Variants in CSMD1 observed in about 807,000 individuals in gnomAD.
The protein encoded by CSMD1 is CUB and Sushi multiple domains 1.
A neutral mutation model predicts 417.5 loss-of-function variants in CSMD1; 213 were observed. The observed-to-expected ratio is 0.51, with a 90% confidence interval of 0.46 to 0.57. CSMD1 has a LOEUF of 0.57. Among genes scored for constraint, CSMD1 ranks in the 20% least tolerant of loss-of-function variants. The probability of loss-of-function intolerance (pLI) is 0.00; values close to 1 mark genes in which losing one functional copy is unlikely to be tolerated. For missense variants in CSMD1, 6,923 were observed against 4,529.7 expected, an observed-to-expected ratio of 1.53 and a Z score of -15.17; for synonymous variants, 2,862 against 1,736.8, an observed-to-expected ratio of 1.65 and a Z score of -16.11.
chr8:3,954,606 C>T (rs1015525808), intron 5 of CSMD1, among the ~76,000 whole-genome samples: 1 of 152,216 alleles, frequency 6.6e-6, no homozygotes, highest in African/African-American at 2.4e-5. Context: ...TCGTGATCCG[C>T]CCACCTTGGC....
intron 2 of CSMD1, among the ~76,000 whole-genome samples, chr8:4,469,995 G>C (rs567099931): frequency 2.6e-5 from 4 of 151,936 alleles, no homozygotes; most frequent in South Asian, 2.1e-4. Context: ...AGCCTCCCGA[G>C]TAGCTGGGAT....
chr8:3,751,197 C>T (rs1272687302), intron 6 of CSMD1, among the ~76,000 whole-genome samples: 6 of 151,988 alleles, frequency 3.9e-5, no homozygotes, highest in Non-Finnish European at 5.9e-5. Flanking sequence ...TAATGCATTA[C>T]TGTTAAGCCA....
intron 9 of CSMD1, among the ~76,000 whole-genome samples, chr8:3,576,359 C>T (rs1456956359): frequency 1.6e-5 from 2 of 124,022 alleles, no homozygotes; most frequent in African/African-American, 2.7e-5. Flanking sequence ...TGTGACTGTT[C>T]ATCTGAGATC....
chr8:3,446,491 C>G (rs186268395), intron 12 of CSMD1, among the ~76,000 whole-genome samples: 52 of 152,274 alleles, frequency 3.4e-4, no homozygotes, highest in African/African-American at 9.9e-4. Flanking sequence ...GAATTAATTA[C>G]TGAGTAGTTC....
At chr8:4,209,685 G>C (rs1800192113) in intron 3 of CSMD1, among the ~76,000 whole-genome samples, 1 of 152,194 alleles carries the variant, frequency 6.6e-6, no homozygotes, top group Admixed American at 6.5e-5. Flanking sequence ...TCAAGGGCAA[G>C]CCAGTGGTGT....
At chr8:3,976,431 G>A (rs898469153) in intron 5 of CSMD1, among the ~76,000 whole-genome samples, 1 of 152,132 alleles carries the variant, frequency 6.6e-6, no homozygotes, top group Non-Finnish European at 1.5e-5. Context: ...ATCAAGGAAA[G>A]CAGTTTCCTT....
At chr8:3,694,447 A>T (rs1373054819) in intron 7 of CSMD1, among the ~76,000 whole-genome samples, 10 of 152,156 alleles carry the variant, frequency 6.6e-5, no homozygotes, top group African/African-American at 2.4e-4. Flanking sequence ...ACAGCTGCAT[A>T]CATGAGTCTG....
At chr8:4,461,574 G>A (rs1799821866) in intron 2 of CSMD1, among the ~76,000 whole-genome samples, 2 of 149,286 alleles carry the variant, frequency 1.3e-5, no homozygotes, top group African/African-American at 5.1e-5. Context: ...GGTGTTGGGG[G>A]ATACATCATC....
At chr8:4,898,206 A>G (rs1019677982) in intron 1 of CSMD1, among the ~76,000 whole-genome samples, 3 of 152,166 alleles carry the variant, frequency 2.0e-5, no homozygotes, top group African/African-American at 7.2e-5. Context: ...TGCAAATGGA[A>G]TGATTAAAAC....
chr8:3,099,441 G>A (rs1220246419), intron 46 of CSMD1, among the ~76,000 whole-genome samples: 1 of 152,096 alleles, frequency 6.6e-6, no homozygotes, highest in Non-Finnish European at 1.5e-5. Flanking sequence ...TTATTCACCT[G>A]ACTTTGGGTC....
At chr8:3,084,421 G>A (rs1200938962) in intron 49 of CSMD1, among the ~76,000 whole-genome samples, 1 of 151,176 alleles carries the variant, frequency 6.6e-6, no homozygotes, top group Non-Finnish European at 1.5e-5. Context: ...TACTTGGGAG[G>A]CTGAGGCAGG....
intron 14 of CSMD1, among the ~76,000 whole-genome samples, chr8:3,406,495 A>C (rs1015869419): frequency 2.0e-5 from 3 of 152,164 alleles, no homozygotes; most frequent in Non-Finnish European, 4.4e-5. Context: ...GCTTAGACAA[A>C]GAGAGAACTG....
intron 12 of CSMD1, among the ~76,000 whole-genome samples, chr8:3,430,090 T>G (rs1563380636): frequency 6.6e-6 from 1 of 152,298 alleles, no homozygotes; most frequent in Non-Finnish European, 1.5e-5. Flanking sequence ...CATATATACA[T>G]ATATACACAC....
chr8:3,625,389 G>C (rs1386969112), intron 7 of CSMD1, among the ~76,000 whole-genome samples: 2 of 151,714 alleles, frequency 1.3e-5, no homozygotes, highest in Non-Finnish European at 2.9e-5. Flanking sequence ...TTTTCCAAGT[G>C]TTTAACTTAT....
chr8:3,654,134 C>G (rs928456447), intron 7 of CSMD1, among the ~76,000 whole-genome samples: 2 of 152,198 alleles, frequency 1.3e-5, no homozygotes, highest in Non-Finnish European at 2.9e-5. Context: ...CACCCCTCAT[C>G]TTCACAGGAC....
chr8:4,879,529 T>C (rs1438646867), intron 1 of CSMD1, among the ~76,000 whole-genome samples: 1 of 152,094 alleles, frequency 6.6e-6, no homozygotes, highest in Non-Finnish European at 1.5e-5. Context: ...AAATACATAA[T>C]TGGTATTTCT....
intron 1 of CSMD1, among the ~76,000 whole-genome samples, chr8:4,928,962 T>C (rs1292416278): frequency 6.6e-6 from 1 of 151,982 alleles, no homozygotes; most frequent in Non-Finnish European, 1.5e-5. Flanking sequence ...TCCCAGCTAC[T>C]TGGAAGGCTG....
intron 2 of CSMD1, among the ~76,000 whole-genome samples, chr8:4,475,104 G>C (rs1008534023): frequency 6.6e-6 from 1 of 152,128 alleles, no homozygotes; most frequent in Admixed American, 6.5e-5. Flanking sequence ...TTGAAAAATG[G>C]ATATGTGTTT....
intron 12 of CSMD1, among the ~76,000 whole-genome samples, chr8:3,461,253 C>T (rs915451981): frequency 6.6e-6 from 1 of 152,182 alleles, no homozygotes; most frequent in Admixed American, 6.5e-5. Context: ...CGAGACCTGG[C>T]ATTCCTGCCA....
Sources: gnomAD v4.1 joint callset for allele counts (sites outside exome capture counted in the v4.1 genomes callset) on GRCh38, gnomAD v4.1.1 for gene constraint, MANE v1.5 for transcripts, NCBI Gene and HGNC (gene_info 2026-07-23, HGNC 2026-07-21) for gene names.